The following PSMC5 variants were observed in gnomAD, a reference collection of about 807,000 sequenced individuals.
PSMC5 encodes proteasome 26S subunit, ATPase 5.
In PSMC5, 11 loss-of-function variants were observed where a neutral mutation model predicts 49.1. The ratio of observed to expected loss-of-function variants is 0.22; its 90% CI spans 0.14 to 0.37. The LOEUF is 0.37. PSMC5 is among the 10% of genes least tolerant of loss of function. PSMC5 has a pLI of 1.00. For missense variants in PSMC5, 229 were observed against 520.9 expected (o/e 0.44, Z 5.45); for synonymous variants, 206 against 192.2 (o/e 1.07, Z -0.59).
Position 63,830,119 on chromosome 17 carries a change from C to T in PSMC5, c.265-14C>T, listed in dbSNP as rs2040164372. ...GTGGCTGTCAAGGAAGGTCATGAGC[C>T]CTTGTTTCTTTAGGTACATCCTGAA... On this transcript the variant is annotated splice_polypyrimidine_tract_variant and intron_variant, in intron 4 of 11. Coordinates refer to ENST00000310144, the MANE Select transcript of PSMC5 (RefSeq NM_002805.6). This position sits in a 1 kb window ranked among gnomAD's most constrained non-coding sequence, Gnocchi z 4.0. 3 of 1,612,416 alleles carry T rather than the reference C, an allele frequency of 1.9e-6. No homozygotes were observed. The highest frequency in any genetic ancestry group is 1.7e-6 in the Non-Finnish European group (2 of 1,179,310).
chr17:63,830,779 T>C lies in PSMC5; in HGVS notation c.553-30T>C. On this transcript the variant is annotated intron_variant, in intron 6 of 11. Coordinates refer to ENST00000310144, the MANE Select transcript of PSMC5 (RefSeq NM_002805.6). The surrounding 1 kb of genome is among the most constrained non-coding windows in gnomAD (Gnocchi z 4.0). ...CTGAATGAAATGAGGGGTGTAGCTT[T>C]CTGCCCTGAGTCCTGCTGTTCCCCT... 6.2e-7 allele frequency: 1 copy of C among 1,612,976 alleles called. No homozygotes were observed. Among genetic ancestry groups the C allele is most frequent in the South Asian group, 1.1e-5 (1 of 90,968 alleles).
chr17:63,828,218 G>A lies in PSMC5; in HGVS notation c.96+9G>A, dbSNP rs1185075023. On this transcript the variant is annotated intron_variant, in intron 2 of 11. Coordinates refer to ENST00000310144, the MANE Select transcript of PSMC5 (RefSeq NM_002805.6). ...AGATTGAAGAACTCCAGGTGAGGAC[G>A]GACTCCAGAGGGAGCTAGGAAGGGT... The A allele has an allele frequency of 6.2e-7, 1 of 1,613,684 alleles. No individual in the cohort carries two copies. Among genetic ancestry groups the A allele is most frequent in the South Asian group, 1.1e-5 (1 of 91,042 alleles).
chr17:63,831,987 G>A lies in PSMC5; in HGVS notation c.*18G>A, dbSNP rs969641118. Reference sequence around the variant, plus strand: ...GGAAGTGAGTGGACAGCCTTTGTGTGTATCTCTCCAATAAAGCTCTGTGGG... The same window carrying A: ...GGAAGTGAGTGGACAGCCTTTGTGTATATCTCTCCAATAAAGCTCTGTGGG... On this transcript the variant is annotated 3_prime_UTR_variant, in exon 12 of 12. Transcript: ENST00000310144. The surrounding 1 kb of genome is among the most constrained non-coding windows in gnomAD (Gnocchi z 6.3). 1.2e-6 allele frequency: 2 copies of A among 1,610,384 alleles called. No homozygotes were observed. The highest frequency in any genetic ancestry group is 8.5e-7 in the Non-Finnish European group (1 of 1,176,562).
At chr17:63,829,783 C>G (rs1215810744) in intron 3 of PSMC5, 69 bp from the exon 4 acceptor site, 4 of 1,480,600 alleles carry the variant, frequency 2.7e-6, no homozygotes, top group Non-Finnish European at 3.8e-6. Context: ...TTAGCTCATG[C>G]ACGTAGAATT....
In PSMC5 at chr17:63,830,127, C is replaced by T. The variant is rs1304275292; in HGVS notation, c.265-6C>T. ...CAAGGAAGGTCATGAGCCCTTGTTT[C>T]TTTAGGTACATCCTGAAGGTAAATT... On this transcript the variant is annotated splice_polypyrimidine_tract_variant and splice_region_variant and intron_variant, in intron 4 of 11. Coordinates refer to ENST00000310144, the MANE Select transcript of PSMC5 (RefSeq NM_002805.6). This position sits in a 1 kb window ranked among gnomAD's most constrained non-coding sequence, Gnocchi z 4.0. 6.2e-7 allele frequency: 1 copy of T among 1,613,336 alleles called. No individual in the cohort carries two copies. The highest frequency in any genetic ancestry group is 8.5e-7 in the Non-Finnish European group (1 of 1,179,692).
intron 2 of PSMC5, 40 bp from the exon 3 acceptor site, chr17:63,829,454 C>T: frequency 3.9e-6 from 6 of 1,542,234 alleles, no homozygotes; most frequent in Non-Finnish European, 5.3e-6. Context: ...CTCCTGTCTC[C>T]TGCCCTTGAA....
In PSMC5 at chr17:63,831,853, G is replaced by A; in HGVS notation, c.1167+43G>A. The A allele has an allele frequency of 6.2e-7, 1 of 1,613,066 alleles. No individual in the cohort carries two copies. The highest frequency in any genetic ancestry group is 8.5e-7 in the Non-Finnish European group (1 of 1,179,056). On this transcript the variant is annotated intron_variant, in intron 11 of 11. Coordinates refer to ENST00000310144, the MANE Select transcript of PSMC5 (RefSeq NM_002805.6). The surrounding 1 kb of genome is among the most constrained non-coding windows in gnomAD (Gnocchi z 6.3). The stretch of plus-strand genomic sequence containing the variant: ...TGTGCCTTTGCCAGTGGTGGCTCTG[G>A]GGCAGTGGGCTAGGGCATGTGTGTG...
At chr17:63,828,308 A>G in intron 2 of PSMC5, 99 bp downstream of exon 2, 1 of 1,183,842 alleles carries the variant, frequency 8.4e-7, no homozygotes. Flanking sequence ...GCAGTGGAAG[A>G]AGCTGCTGCT....
In PSMC5 at chr17:63,830,692, T is replaced by C. The variant is rs1424900491; in HGVS notation, c.553-117T>C. On this transcript the variant is annotated intron_variant, in intron 6 of 11. Coordinates refer to ENST00000310144, the MANE Select transcript of PSMC5 (RefSeq NM_002805.6). This position sits in a 1 kb window ranked among gnomAD's most constrained non-coding sequence, Gnocchi z 4.0. ...GGTTTGGATAGAAGGGACCTTGATG[T>C]TCCTTTTTTTTTTTTGTATCCCTAA... is the stretch of plus-strand genomic sequence containing the variant. 56 of 1,376,870 alleles carry C rather than the reference T, an allele frequency of 4.1e-5. No homozygotes were observed. The highest frequency in any genetic ancestry group is 1.7e-4 in the Admixed American group (6 of 34,534). 85.3% of individuals were successfully genotyped at this position (1,376,870 alleles called of 1,614,324 possible).
chr17:63,831,985 G>A lies in PSMC5; in HGVS notation c.*16G>A. 1.2e-6 allele frequency: 2 copies of A among 1,611,134 alleles called. No individual in the cohort carries two copies. The highest frequency in any genetic ancestry group is 1.7e-6 in the Non-Finnish European group (2 of 1,177,262). Reference sequence around the variant, plus strand: ...ATGGAAGTGAGTGGACAGCCTTTGTGTGTATCTCTCCAATAAAGCTCTGTG... The same window carrying A: ...ATGGAAGTGAGTGGACAGCCTTTGTATGTATCTCTCCAATAAAGCTCTGTG... On this transcript the variant is annotated 3_prime_UTR_variant, in exon 12 of 12. Transcript: ENST00000310144. The surrounding 1 kb of genome is among the most constrained non-coding windows in gnomAD (Gnocchi z 6.3).
At chr17:63,827,803 C>G in intron 1 of PSMC5, 1 of 1,429,358 alleles carries the variant, frequency 7.0e-7, no homozygotes, top group Non-Finnish European at 9.1e-7. Context: ...AGTCCTTTGG[C>G]TCCGTTCCGC....
rs1226216273 is a variant in PSMC5 at position 63,830,573 on chromosome 17, G to C, written c.552+72G>C. 1.5e-5 allele frequency: 24 copies of C among 1,566,192 alleles called. No individual in the cohort carries two copies. Among genetic ancestry groups the C allele is most frequent in the Non-Finnish European group, 2.0e-5 (23 of 1,158,230 alleles). On this transcript the variant is annotated intron_variant, in intron 6 of 11. Coordinates refer to ENST00000310144, the MANE Select transcript of PSMC5 (RefSeq NM_002805.6). This position sits in a 1 kb window ranked among gnomAD's most constrained non-coding sequence, Gnocchi z 4.0. ...CCTGCCCCAGCCAGCCCTACTGCAGGGGTTGGGGAGGCACCGGGATAGGCT... is the reference window on the plus strand; with the variant it reads ...CCTGCCCCAGCCAGCCCTACTGCAGCGGTTGGGGAGGCACCGGGATAGGCT...
rs1163902934 is a variant in PSMC5 at position 63,828,164 on chromosome 17, C to A, written c.51C>A (p.Gly17=). Residue 17 remains glycine (G), a synonymous_variant, in exon 2 of 12, where the codon GGC becomes GGA. Transcript: ENST00000310144. The part of the protein sequence containing the change: ...EQMELEEGKA[G]SGLRQYYLSK... ...TGGAGCTGGAGGAGGGGAAGGCAGGCAGCGGACTCCGCCAATATTATCTGT... is the reference window on the plus strand; with the variant it reads ...TGGAGCTGGAGGAGGGGAAGGCAGGAAGCGGACTCCGCCAATATTATCTGT... 2 of 1,614,020 alleles carry A rather than the reference C, an allele frequency of 1.2e-6. No individual in the cohort carries two copies. Among genetic ancestry groups the A allele is most frequent in the African/African-American group, 2.7e-5 (2 of 74,922 alleles).
At chr17:63,829,458 C>T in intron 2 of PSMC5, 36 bp from the exon 3 acceptor site, 1 of 1,544,712 alleles carries the variant, frequency 6.5e-7, no homozygotes, top group Non-Finnish European at 8.8e-7. Flanking sequence ...TGTCTCCTGC[C>T]CTTGAATAAT....
In PSMC5 at chr17:63,830,568, T is replaced by C. The variant is rs1027392128; in HGVS notation, c.552+67T>C. 45 of 1,576,578 alleles carry C rather than the reference T, an allele frequency of 2.9e-5. No homozygotes were observed. Among genetic ancestry groups the C allele is most frequent in the Non-Finnish European group, 3.8e-5 (44 of 1,163,266 alleles). ...CTCCTCCTGCCCCAGCCAGCCCTAC[T>C]GCAGGGGTTGGGGAGGCACCGGGAT... is the stretch of plus-strand genomic sequence containing the variant. On this transcript the variant is annotated intron_variant, in intron 6 of 11. Transcript: ENST00000310144. This position sits in a 1 kb window ranked among gnomAD's most constrained non-coding sequence, Gnocchi z 4.0.
chr17:63,831,364 C>T lies in PSMC5; in HGVS notation c.908C>T (p.Ser303Leu), dbSNP rs374419165. The change falls in exon 9 of 12, where the codon TCG (serine) becomes TTG (leucine). Residue 303 changes from serine to leucine, a missense_variant. Physicochemically the swap from Ser to Leu is moderately radical, Grantham distance 145. Around this residue, in one of 4 missense-constraint regions of PSMC5, gnomAD observed 121 missense variants for 330.6 expected, o/e 0.37. Coordinates refer to ENST00000310144, the MANE Select transcript of PSMC5 (RefSeq NM_002805.6). The surrounding 1 kb of genome is among the most constrained non-coding windows in gnomAD (Gnocchi z 6.3). ...ACTAATAGGATTGATATCCTGGACT[C>T]GGCACTGCTTCGCCCAGGGCGCATT... Reference protein sequence around the residue: ...MATNRIDILDSALLRPGRIDR... With the variant: ...MATNRIDILDLALLRPGRIDR... 13 of 1,614,002 alleles carry T rather than the reference C, an allele frequency of 8.1e-6. No homozygotes were observed. Among genetic ancestry groups the T allele is most frequent in the African/African-American group, 2.7e-5 (2 of 75,024 alleles).
chr17:63,828,230 G>T (rs1272995587), intron 2 of PSMC5, 21 bp downstream of exon 2: 4 of 1,611,706 alleles, frequency 2.5e-6, no homozygotes, highest in Non-Finnish European at 3.4e-6. Flanking sequence ...ACTCCAGAGG[G>T]AGCTAGGAAG....
chr17:63,830,942 A>G lies in PSMC5; in HGVS notation c.679+7A>G, dbSNP rs373237203. 4 of 1,613,918 alleles carry G rather than the reference A, an allele frequency of 2.5e-6. No individual in the cohort carries two copies. The African/African-American group carries it at 5.3e-5, about 22-fold the overall frequency. On this transcript the variant is annotated splice_region_variant and intron_variant, in intron 7 of 11. Transcript: ENST00000310144. This position sits in a 1 kb window ranked among gnomAD's most constrained non-coding sequence, Gnocchi z 4.0. ...CAGAAATTCATAGGGGAAGGTAACC[A>G]TGGCTAGCAATGTGAGAAGCAAGAG...
Position 63,831,365 on chromosome 17 carries a change from G to A in PSMC5, c.909G>A (p.Ser303=), listed in dbSNP as rs368192353. Residue 303 remains serine, a synonymous_variant, in exon 9 of 12, where the codon TCG becomes TCA. Transcript: ENST00000310144. The surrounding 1 kb of genome is among the most constrained non-coding windows in gnomAD (Gnocchi z 6.3). ...MATNRIDILD[S]ALLRPGRIDR... ...CTAATAGGATTGATATCCTGGACTC[G>A]GCACTGCTTCGCCCAGGGCGCATTG... The A allele has an allele frequency of 3.1e-5, 50 of 1,613,858 alleles. No homozygotes were observed. Among genetic ancestry groups the A allele is most frequent in the Middle Eastern group, 3.3e-4 (2 of 6,084 alleles).
Sources: gnomAD v4.1 joint callset for allele counts on GRCh38, gnomAD v4.1.1 for gene constraint, gnomAD v4.1.1 regional missense constraint, Gnocchi (gnomAD v3.1) non-coding constraint, MANE v1.5 for transcripts, NCBI Gene and HGNC (gene_info 2026-07-23, HGNC 2026-07-21) for gene names.